Variants in GRAMD4 observed in about 807,000 individuals in gnomAD.
The protein encoded by GRAMD4 is GRAM domain containing 4.
A neutral mutation model predicts 83.9 loss-of-function variants in GRAMD4; 25 were observed. The observed-to-expected ratio is 0.30, with a 90% CI of 0.22 to 0.42. The LOEUF (loss-of-function observed/expected upper bound fraction) is 0.42. Among genes scored for constraint, GRAMD4 ranks in the 10% least tolerant of loss-of-function variants. GRAMD4 has a pLI of 1.00. For synonymous variants in GRAMD4, 336 were observed against 320.9 expected, an observed-to-expected ratio of 1.05 and a Z score of -0.50; for missense variants, 593 against 788.7, an observed-to-expected ratio of 0.75 and a Z score of 2.97.
intron 8 of GRAMD4, among the ~76,000 whole-genome samples, chr22:46,665,057 G>A (rs1569300283): frequency 6.6e-6 from 1 of 152,250 alleles, no homozygotes; most frequent in Non-Finnish European, 1.5e-5. Context: ...TTTGCGACAG[G>A]AGGCCTTTGC....
At chr22:46,646,005 TC>T (rs2082067346) in intron 3 of GRAMD4, among the ~76,000 whole-genome samples, 1 of 152,098 alleles carries the variant, frequency 6.6e-6, no homozygotes, top group Non-Finnish European at 1.5e-5. Flanking sequence ...GGAAAGTGCT[TC>T]TGAGGACCCT....
Position 46,658,215 on chromosome 22 carries a change from A to G in GRAMD4, c.312A>G (p.Glu104=), listed in dbSNP as rs1390319480. The stretch of plus-strand genomic sequence containing the variant: ...AGGAGCTCCGGAAGCTGCGAGAAGA[A>G]ACCAACGCGGAGATGCTGCGGCAGG... ...LQEELRKLRE[E]TNAEMLRQEL... is the part of the protein sequence containing the mutation. The change falls in exon 4 of 19, where the codon GAA becomes GAG. Residue 104 remains glutamate (E), a synonymous_variant. Coordinates refer to ENST00000406902, the MANE Select transcript of GRAMD4 (RefSeq NM_015124.5). 6.2e-7 allele frequency: 1 copy of G among 1,613,620 alleles called. No individual in the cohort carries two copies. The highest frequency in any genetic ancestry group is 8.5e-7 in the Non-Finnish European group (1 of 1,179,932).
At chr22:46,593,063 G>A (rs1422394751) in intron 1 of GRAMD4, among the ~76,000 whole-genome samples, 2 of 152,204 alleles carry the variant, frequency 1.3e-5, no homozygotes, top group East Asian at 1.9e-4. Flanking sequence ...AAAGGAATTG[G>A]TTTTATCCAC....
chr22:46,636,605 C>T (rs569493592), intron 2 of GRAMD4, among the ~76,000 whole-genome samples: 15 of 152,246 alleles, frequency 9.9e-5, no homozygotes, highest in Non-Finnish European at 1.6e-4. Flanking sequence ...CACCTGTTAC[C>T]TGGCTCTGGA....
chr22:46,637,046 C>T (rs911735955), intron 2 of GRAMD4, among the ~76,000 whole-genome samples: 2 of 152,220 alleles, frequency 1.3e-5, no homozygotes, highest in East Asian at 1.9e-4. Flanking sequence ...TCGGTTGCGG[C>T]AGACCCTTCT....
chr22:46,637,113 C>T (rs1045843142), intron 2 of GRAMD4, among the ~76,000 whole-genome samples: 1 of 152,150 alleles, frequency 6.6e-6, no homozygotes, highest in Non-Finnish European at 1.5e-5. Flanking sequence ...CGCCCGCAGC[C>T]TCCACTGAGG....
chr22:46,651,851 G>T (rs2082171176), intron 3 of GRAMD4, among the ~76,000 whole-genome samples: 2 of 152,188 alleles, frequency 1.3e-5, no homozygotes, highest in Middle Eastern at 3.2e-3. Flanking sequence ...TGGAGGTGGG[G>T]GGGAGAGAGA....
intron 1 of GRAMD4, among the ~76,000 whole-genome samples, chr22:46,583,952 AG>A (rs1301163926): frequency 1.3e-5 from 2 of 152,264 alleles, no homozygotes; most frequent in Non-Finnish European, 1.5e-5. Context: ...CTTCTTCTTC[AG>A]GGGGGTCTGT....
intron 1 of GRAMD4, among the ~76,000 whole-genome samples, chr22:46,592,591 T>C (rs2081220740): frequency 6.6e-6 from 1 of 152,238 alleles, no homozygotes; most frequent in Non-Finnish European, 1.5e-5. Flanking sequence ...ATGTTTTCAC[T>C]GTTCCGACTG....
At chr22:46,646,741 G>A (rs1443285387) in intron 3 of GRAMD4, among the ~76,000 whole-genome samples, 2 of 152,210 alleles carry the variant, frequency 1.3e-5, no homozygotes, top group Non-Finnish European at 2.9e-5. Context: ...GTGGTGAAAA[G>A]CTAAACTCTG....
rs1319529238 is a variant in GRAMD4, at chr22:46,679,275, G to A, written c.*2024G>A. 3 of 985,516 alleles carry A rather than the reference G, an allele frequency of 3.0e-6. No homozygotes were observed. The highest frequency in any genetic ancestry group is 3.6e-6 in the Non-Finnish European group (3 of 829,972). The allele number at this position is 985,516 out of a possible 1,614,324, so 61.0% of individuals were successfully genotyped here. On this transcript the variant is annotated 3_prime_UTR_variant, in exon 19 of 19. Transcript: ENST00000406902. ...CCCTGGGGCAGATGGGGCTTTACCA[G>A]CGTCGGGTGGTTTAGTTCGAGTCCC...
At chr22:46,662,561 C>T (rs1181976991) in intron 5 of GRAMD4, among the ~76,000 whole-genome samples, 1 of 152,240 alleles carries the variant, frequency 6.6e-6, no homozygotes, top group Admixed American at 6.5e-5. Flanking sequence ...CACCCCCAGC[C>T]CAGGACACAG....
intron 1 of GRAMD4, among the ~76,000 whole-genome samples, chr22:46,605,366 A>G (rs1883190): frequency 0.94 from 143,814 of 152,278 alleles, 67,961 homozygotes; most frequent in East Asian, 1. Context: ...ATGAACACTT[A>G]GGTTGCTTCA....
intron 1 of GRAMD4, among the ~76,000 whole-genome samples, chr22:46,577,616 C>T (rs1196715390): frequency 6.6e-6 from 1 of 151,892 alleles, no homozygotes; most frequent in Non-Finnish European, 1.5e-5. Flanking sequence ...CCGGGGGTCA[C>T]CGACGCTGGG....
At chr22:46,661,544 C>T (rs2082327867) in intron 5 of GRAMD4, 102 bp downstream of exon 5, 21 of 833,654 alleles carry the variant, frequency 2.5e-5, no homozygotes, top group Non-Finnish European at 1.2e-5. Flanking sequence ...CAGATACCCC[C>T]TCCCCCAGCA....
chr22:46,589,991 A>T (rs1445176762), intron 1 of GRAMD4, among the ~76,000 whole-genome samples: 1 of 152,064 alleles, frequency 6.6e-6, no homozygotes, highest in Non-Finnish European at 1.5e-5. Context: ...ATTGGTGGGG[A>T]GGCCGTGTCG....
At position 46,673,768 on chromosome 22, in the gene GRAMD4, T is replaced by C. The variant is rs1398277051; in HGVS notation, c.1338T>C (p.Asn446=). 3.7e-6 allele frequency: 6 copies of C among 1,612,996 alleles called. No individual in the cohort carries two copies. Among genetic ancestry groups the C allele is most frequent in the Non-Finnish European group, 5.1e-6 (6 of 1,179,924 alleles). ...AGRFHSTKKG[N]FHEIFNLTEN... is the part of the protein sequence containing the mutation. ...GCTTCCACAGCACCAAGAAGGGCAATTTCCACGAGATCTTCAATCTGACAG... is the reference window on the plus strand; with the variant it reads ...GCTTCCACAGCACCAAGAAGGGCAACTTCCACGAGATCTTCAATCTGACAG... The change falls in exon 15 of 19, where the codon AAT becomes AAC. Residue 446 remains asparagine, a synonymous_variant. Coordinates refer to ENST00000406902, the MANE Select transcript of GRAMD4 (RefSeq NM_015124.5).
downstream of GRAMD4, among the ~76,000 whole-genome samples, chr22:46,682,663 A>G (rs9616096): frequency 0.11 from 16,172 of 152,314 alleles, 953 homozygotes; most frequent in South Asian, 0.16. Flanking sequence ...TGTTGCCTTT[A>G]TCGCGAACAC....
chr22:46,585,623 G>A (rs1240457199), intron 1 of GRAMD4, among the ~76,000 whole-genome samples: 1 of 152,338 alleles, frequency 6.6e-6, no homozygotes, highest in African/African-American at 2.4e-5. Flanking sequence ...AGGGGTGCTG[G>A]CCTCTTATCA....
Sources: allele counts gnomAD v4.1 joint callset (sites outside exome capture counted in the v4.1 genomes callset), GRCh38; gene constraint gnomAD v4.1.1; transcripts MANE v1.5; gene names NCBI Gene and HGNC (gene_info 2026-07-23, HGNC 2026-07-21).